The following RARB variants were observed in gnomAD, a reference collection of about 807,000 sequenced individuals.
The protein encoded by RARB is retinoic acid receptor beta, also known as HBV-activated protein.
Under a neutral mutation model 51.9 loss-of-function variants are expected in RARB, and 17 were observed. The observed-to-expected ratio is 0.33, with a 90% confidence interval of 0.22 to 0.49. RARB has a LOEUF of 0.49. Among genes scored for constraint, RARB ranks in the 20% least tolerant of loss-of-function variants. The pLI, the probability that RARB is intolerant of heterozygous loss-of-function variation, is 0.99. For synonymous variants in RARB, 215 were observed against 195.4 expected, an observed-to-expected ratio of 1.10 and a Z score of -0.84; for missense variants, 369 against 550.8, an observed-to-expected ratio of 0.67 and a Z score of 3.30.
At chr3:25,426,283 G>C (rs759202603), upstream of RARB, among the ~76,000 whole-genome samples, 1 of 152,148 alleles carries the variant, frequency 6.6e-6, no homozygotes, top group Middle Eastern at 3.2e-3. Flanking sequence ...CAAAATGATG[G>C]CCATATAAAA....
rs147361878 is a variant in RARB at position 25,159,043 on chromosome 3, T to C, written c.-279-15076T>C. On this transcript the variant is annotated intron_variant, in intron 4 of 11. Transcript: ENST00000383772. ...TGCAGAAGAAGTTGGGAAATACTGT[T>C]TGGCTGTGTAAGTGAAAAAAAAAGA... Among the ~76,000 whole-genome samples, 306 of 152,114 alleles carry C rather than the reference T, an allele frequency of 2.0e-3. 2 individuals carry two copies. The highest frequency in any genetic ancestry group is 0.018 in the East Asian group (95 of 5,176).
At chr3:25,004,371 A>G (rs752481395) in intron 2 of RARB, among the ~76,000 whole-genome samples, 2 of 152,292 alleles carry the variant, frequency 1.3e-5, no homozygotes, top group South Asian at 4.1e-4. Context: ...AATTTATATT[A>G]AACAGATTCA....
At chr3:24,942,542 T>G (rs1000524388) in intron 2 of RARB, among the ~76,000 whole-genome samples, 4 of 152,170 alleles carry the variant, frequency 2.6e-5, no homozygotes, top group African/African-American at 9.6e-5. Context: ...ATTAAGAACT[T>G]GAGCACAGAA....
At chr3:25,174,679 G>A in intron 5 of RARB, 11 of 1,099,004 alleles carry the variant, frequency 1.0e-5, no homozygotes, top group Non-Finnish European at 1.2e-5. Context: ...ATTTCATTGG[G>A]TGCTGGTTTC....
intron 2 of RARB, among the ~76,000 whole-genome samples, chr3:24,862,360 G>T (rs1702768448): frequency 6.6e-6 from 1 of 152,170 alleles, no homozygotes; most frequent in African/African-American, 2.4e-5. Context: ...AAAGAGGTGG[G>T]TGAAGTTTCC....
At chr3:25,044,125 C>T (rs963722117) in intron 2 of RARB, among the ~76,000 whole-genome samples, 1 of 152,118 alleles carries the variant, frequency 6.6e-6, no homozygotes, top group Non-Finnish European at 1.5e-5. Context: ...GAATTTTAAA[C>T]AGCAAAACCC....
chr3:25,379,617 A>C (rs1706566372), intron 5 of RARB, among the ~76,000 whole-genome samples: 1 of 152,240 alleles, frequency 6.6e-6, no homozygotes, highest in African/African-American at 2.4e-5. Context: ...ACACTTGGAA[A>C]ATACAAAGAG....
At chr3:25,418,117 A>G (rs1707759194) in intron 5 of RARB, among the ~76,000 whole-genome samples, 1 of 152,208 alleles carries the variant, frequency 6.6e-6, no homozygotes, top group South Asian at 2.1e-4. Context: ...TGTGTTGATG[A>G]GAACATGGCC....
chr3:25,136,887 A>G (rs1158032757), intron 4 of RARB, among the ~76,000 whole-genome samples: 1 of 152,054 alleles, frequency 6.6e-6, no homozygotes, highest in Non-Finnish European at 1.5e-5. Context: ...AGAGGAATAC[A>G]TATTTGGCAA....
In RARB at chr3:25,596,679, A is replaced by G. The variant is rs1701849158; in HGVS notation, c.*63A>G. On this transcript the variant is annotated 3_prime_UTR_variant, in exon 8 of 8. Transcript: ENST00000330688. ...TCAGTTCCAGGATTTAAAATGCAAGAAAAAACATTTTTACTGCTGCTTAGT... is the reference window on the plus strand; with the variant it reads ...TCAGTTCCAGGATTTAAAATGCAAGGAAAAACATTTTTACTGCTGCTTAGT... 14 of 1,399,678 alleles carry G rather than the reference A, an allele frequency of 1.0e-5. No homozygotes were observed. The highest frequency in any genetic ancestry group is 1.3e-5 in the Non-Finnish European group (13 of 1,025,182). 86.7% of individuals were successfully genotyped at this position (1,399,678 alleles called of 1,614,324 possible).
At chr3:24,908,332 T>C (rs1694911413) in intron 2 of RARB, among the ~76,000 whole-genome samples, 1 of 152,138 alleles carries the variant, frequency 6.6e-6, no homozygotes, top group Non-Finnish European at 1.5e-5. Context: ...CAAATGCCTA[T>C]TTTTTAAAAA....
chr3:24,913,381 G>A (rs1695039935), intron 2 of RARB, among the ~76,000 whole-genome samples: 1 of 144,306 alleles, frequency 6.9e-6, no homozygotes, highest in Non-Finnish European at 1.5e-5. Context: ...AAGTGACATA[G>A]TCTTCTTTCT....
At chr3:25,063,072 T>C (rs1698582469) in intron 3 of RARB, among the ~76,000 whole-genome samples, 1 of 151,908 alleles carries the variant, frequency 6.6e-6, no homozygotes, top group Non-Finnish European at 1.5e-5. Flanking sequence ...AGATGCTTCT[T>C]AGAGACAAGG....
chr3:25,499,737 G>A (rs1214720062), intron 2 of RARB, among the ~76,000 whole-genome samples: 1 of 152,172 alleles, frequency 6.6e-6, no homozygotes, highest in Non-Finnish European at 1.5e-5. Context: ...CTGGTTTAAA[G>A]GAGGATATGA....
intron 5 of RARB, among the ~76,000 whole-genome samples, chr3:25,592,244 G>A (rs1166485567): frequency 6.6e-6 from 1 of 152,188 alleles, no homozygotes; most frequent in Non-Finnish European, 1.5e-5. Context: ...CTGCCCTCCT[G>A]TAGGTTGACA....
At chr3:25,541,645 C>T (rs1253305926) in intron 3 of RARB, among the ~76,000 whole-genome samples, 3 of 152,206 alleles carry the variant, frequency 2.0e-5, no homozygotes, top group Non-Finnish European at 2.9e-5. Flanking sequence ...AACATTTCCC[C>T]TTACACAGCC....
chr3:25,095,494 C>T (rs1187185024), intron 3 of RARB, among the ~76,000 whole-genome samples: 1 of 152,140 alleles, frequency 6.6e-6, no homozygotes, highest in African/African-American at 2.4e-5. Context: ...GCAAGCCAAC[C>T]CCCTTGGCCA....
intron 4 of RARB, among the ~76,000 whole-genome samples, chr3:25,135,079 AT>A (rs1700011882): frequency 6.6e-6 from 1 of 151,146 alleles, no homozygotes; most frequent in African/African-American, 2.4e-5. Flanking sequence ...TCTGAGTTTA[AT>A]AGGCCTAGGA....
chr3:24,941,127 G>A (rs997843581), intron 2 of RARB, among the ~76,000 whole-genome samples: 3 of 152,026 alleles, frequency 2.0e-5, no homozygotes, highest in Non-Finnish European at 4.4e-5. Flanking sequence ...AAGGAAAGGG[G>A]TTCCACTTTT....
Sources: allele counts gnomAD v4.1 joint callset (sites outside exome capture counted in the v4.1 genomes callset), GRCh38; gene constraint gnomAD v4.1.1; transcripts MANE v1.5; gene names NCBI Gene and HGNC (gene_info 2026-07-23, HGNC 2026-07-21).